Variants in CDH13 observed in about 807,000 individuals in gnomAD.
The protein encoded by CDH13 is cadherin 13.
A neutral mutation model predicts 63.8 loss-of-function variants in CDH13; 24 were observed. The ratio of observed to expected loss-of-function variants is 0.38; its 90% CI spans 0.27 to 0.53. CDH13 has a LOEUF of 0.53. Ranked by LOEUF, CDH13 falls within the 20% of genes least tolerant of loss-of-function variation. The probability of loss-of-function intolerance (pLI) is 0.85; values close to 1 mark genes in which losing one functional copy is unlikely to be tolerated. For missense variants in CDH13, 1,049 were observed against 903.1 expected, an observed-to-expected ratio of 1.16 and a Z score of -2.07; for synonymous variants, 503 against 355.3, an observed-to-expected ratio of 1.42 and a Z score of -4.67.
chr16:83,766,104 T>G (rs1018897947), intron 11 of CDH13, among the ~76,000 whole-genome samples: 1 of 152,194 alleles, frequency 6.6e-6, no homozygotes, highest in Admixed American at 6.5e-5. Context: ...CAGGCTTCCT[T>G]GGGACACTAG....
In CDH13 at chr16:83,739,087, T is replaced by G. The variant is rs1213232780; in HGVS notation, c.1539-9021T>G. On this transcript the variant is annotated intron_variant, in intron 10 of 13. Transcript: ENST00000567109. ...CCTACAAGGTTGGCCTCAGCTGGTA[T>G]GTAGAATCTTGGATGTGGGGAGGGC... Among the ~76,000 whole-genome samples, 6 of 152,296 alleles carry G rather than the reference T, an allele frequency of 3.9e-5. No homozygotes were observed. In the East Asian group the frequency reaches 1.2e-3, roughly 29 times the overall value.
intron 5 of CDH13, among the ~76,000 whole-genome samples, chr16:83,227,367 G>C (rs1402137373): frequency 1.3e-5 from 2 of 152,208 alleles, no homozygotes; most frequent in African/African-American, 4.8e-5. Context: ...TATGGAAGCT[G>C]ACATTGATCA....
chr16:83,492,030 A>T (rs1242955785), intron 7 of CDH13, among the ~76,000 whole-genome samples: 1 of 152,206 alleles, frequency 6.6e-6, no homozygotes, highest in Non-Finnish European at 1.5e-5. Flanking sequence ...TAGGGAGAAC[A>T]TCCTATGCCA....
At chr16:83,418,415 A>G (rs1404294703) in intron 6 of CDH13, among the ~76,000 whole-genome samples, 3 of 152,212 alleles carry the variant, frequency 2.0e-5, no homozygotes, top group Non-Finnish European at 4.4e-5. Context: ...AAAAAGATAT[A>G]GTAGTCTTGG....
At chr16:83,234,352 C>G (rs569942729) in intron 5 of CDH13, among the ~76,000 whole-genome samples, 163 of 152,294 alleles carry the variant, frequency 1.1e-3, no homozygotes, top group African/African-American at 3.8e-3. Flanking sequence ...GCACAGAGCT[C>G]CTTTCCATTC....
intron 1 of CDH13, among the ~76,000 whole-genome samples, chr16:82,669,609 G>A (rs1912998030): frequency 6.6e-6 from 1 of 152,224 alleles, no homozygotes; most frequent in Non-Finnish European, 1.5e-5. Context: ...ATTAGACATT[G>A]TGACTAATTG....
At chr16:82,780,493 G>A (rs1277490737) in intron 1 of CDH13, among the ~76,000 whole-genome samples, 2 of 152,192 alleles carry the variant, frequency 1.3e-5, no homozygotes, top group Non-Finnish European at 2.9e-5. Context: ...CCCCTCTGCA[G>A]CCAAGTTGAC....
intron 6 of CDH13, among the ~76,000 whole-genome samples, chr16:83,423,871 C>A (rs901877248): frequency 6.6e-6 from 1 of 152,196 alleles, no homozygotes; most frequent in Non-Finnish European, 1.5e-5. Flanking sequence ...ATAATTCTTA[C>A]TTTCTACCCC....
intron 7 of CDH13, among the ~76,000 whole-genome samples, chr16:83,492,184 C>G (rs183499164): frequency 4.0e-4 from 57 of 140,922 alleles, no homozygotes; most frequent in African/African-American, 1.3e-3. Flanking sequence ...GATATCAAAT[C>G]AAGCTGCCAG....
At chr16:83,018,924 G>A (rs759060849) in intron 2 of CDH13, among the ~76,000 whole-genome samples, 3 of 152,334 alleles carry the variant, frequency 2.0e-5, no homozygotes, top group African/African-American at 2.4e-5. Context: ...CACTTACTAC[G>A]AATAGAGGTG....
chr16:82,661,159 G>A (rs1043434816), intron 1 of CDH13, among the ~76,000 whole-genome samples: 8 of 152,158 alleles, frequency 5.3e-5, no homozygotes, highest in African/African-American at 1.9e-4. Flanking sequence ...TCATCCTGAT[G>A]GAGCAAACGG....
At chr16:82,912,062 G>T (rs1252123603) in intron 2 of CDH13, among the ~76,000 whole-genome samples, 1 of 151,856 alleles carries the variant, frequency 6.6e-6, no homozygotes, top group African/African-American at 2.4e-5. Context: ...TTCCACGGCC[G>T]CCCCTGCCGT....
At chr16:83,086,549 A>G (rs1010281338) in intron 3 of CDH13, among the ~76,000 whole-genome samples, 2 of 152,222 alleles carry the variant, frequency 1.3e-5, no homozygotes. Flanking sequence ...TCCAAATTGG[A>G]TTCCCCATTC....
intron 1 of CDH13, among the ~76,000 whole-genome samples, chr16:82,731,316 T>C (rs958238565): frequency 1.3e-5 from 2 of 152,232 alleles, no homozygotes; most frequent in Admixed American, 1.3e-4. Context: ...TAAATGAGTA[T>C]GGCTGTGTTT....
At chr16:82,933,387 G>A (rs1446045002) in intron 2 of CDH13, among the ~76,000 whole-genome samples, 3 of 152,070 alleles carry the variant, frequency 2.0e-5, no homozygotes, top group Non-Finnish European at 4.4e-5. Context: ...TGGGGAGACT[G>A]CCCTCATGAT....
chr16:82,910,009 G>C (rs1183221099), intron 2 of CDH13, among the ~76,000 whole-genome samples: 1 of 152,122 alleles, frequency 6.6e-6, no homozygotes, highest in Non-Finnish European at 1.5e-5. Context: ...CACTGGATCT[G>C]ACCACTGAAA....
intron 1 of CDH13, among the ~76,000 whole-genome samples, chr16:82,660,534 G>C (rs1385086263): frequency 6.6e-6 from 1 of 152,088 alleles, no homozygotes; most frequent in Non-Finnish European, 1.5e-5. Flanking sequence ...TTCAGAGCAA[G>C]ACCTGGCAAA....
chr16:82,723,485 A>G (rs572179492), intron 1 of CDH13, among the ~76,000 whole-genome samples: 11 of 152,150 alleles, frequency 7.2e-5, no homozygotes, highest in Admixed American at 2.0e-4. Context: ...TGTAAAGTCC[A>G]CCTTACTTCA....
At chr16:82,848,199 A>G (rs532626965) in intron 1 of CDH13, among the ~76,000 whole-genome samples, 10 of 152,182 alleles carry the variant, frequency 6.6e-5, no homozygotes, top group Admixed American at 1.3e-4. Flanking sequence ...CATCAGTGAG[A>G]AAATTAGTCC....
Sources: gnomAD v4.1 joint callset for allele counts (sites outside exome capture counted in the v4.1 genomes callset) on GRCh38, gnomAD v4.1.1 for gene constraint, MANE v1.5 for transcripts, NCBI Gene and HGNC (gene_info 2026-07-23, HGNC 2026-07-21) for gene names.